The following FAR2 variants were observed in gnomAD, a reference collection of about 807,000 sequenced individuals.
The protein encoded by FAR2 is fatty acyl-CoA reductase 2.
FAR2 carries 19 observed loss-of-function variants against 56.0 expected under a neutral mutation model. The ratio of observed to expected loss-of-function variants is 0.34; its 90% CI spans 0.24 to 0.50. The LOEUF is 0.50. FAR2 is among the 20% of genes least tolerant of loss of function. The pLI, the probability that FAR2 is intolerant of heterozygous loss-of-function variation, is 0.98. For synonymous variants in FAR2, 219 were observed against 218.8 expected (o/e 1.00, Z -0.01); for missense variants, 508 against 642.2 (o/e 0.79, Z 2.26).
chr12:29,218,271 A>G (rs1482942712), intron 1 of FAR2, among the ~76,000 whole-genome samples: 1 of 151,948 alleles, frequency 6.6e-6, no homozygotes, highest in Non-Finnish European at 1.5e-5. Flanking sequence ...AGGCAGAAGA[A>G]TGGCGTGAAC....
At chr12:29,215,145 A>C (rs1947607740) in intron 1 of FAR2, among the ~76,000 whole-genome samples, 2 of 152,228 alleles carry the variant, frequency 1.3e-5, no homozygotes, top group South Asian at 4.1e-4. Context: ...ATGGATATGT[A>C]ATGAGAGACA....
At chr12:29,225,756 A>G (rs1052938965) in intron 1 of FAR2, among the ~76,000 whole-genome samples, 1 of 152,220 alleles carries the variant, frequency 6.6e-6, no homozygotes, top group Non-Finnish European at 1.5e-5. Context: ...GAGCTGCCAC[A>G]GCTTTGTTTA....
chr12:29,293,620 A>G (rs1949009314), intron 3 of FAR2, 145 bp downstream of exon 3: 2 of 628,822 alleles, frequency 3.2e-6, no homozygotes, highest in Non-Finnish European at 4.8e-6. Context: ...ACCATCTAGA[A>G]ACAACCATTT....
chr12:29,257,907 A>G (rs78847860), intron 1 of FAR2, among the ~76,000 whole-genome samples: 268 of 152,336 alleles, frequency 1.8e-3, no homozygotes, highest in African/African-American at 6.3e-3. Flanking sequence ...CAGACGTGAG[A>G]CATCACACCC....
intron 1 of FAR2, among the ~76,000 whole-genome samples, chr12:29,182,783 T>C (rs570977594): frequency 2.0e-5 from 3 of 152,170 alleles, no homozygotes; most frequent in Non-Finnish European, 4.4e-5. Context: ...AGGGTTTTAC[T>C]GGGAGAGGGC....
intron 2 of FAR2, among the ~76,000 whole-genome samples, chr12:29,274,241 T>C (rs1479238219): frequency 7.5e-6 from 1 of 133,734 alleles, no homozygotes; most frequent in Non-Finnish European, 1.5e-5. Flanking sequence ...CCCCTTCCTG[T>C]GTCCATGTGT....
At chr12:29,319,049 G>A (rs1163626176) in intron 9 of FAR2, among the ~76,000 whole-genome samples, 1 of 150,658 alleles carries the variant, frequency 6.6e-6, no homozygotes, top group Non-Finnish European at 1.5e-5. Flanking sequence ...AGAGTGCAGT[G>A]GCGAGATCTC....
Position 29,264,616 on chromosome 12 carries a change from AAAATAAAT to A in FAR2, c.-38-5760_-38-5753del, listed in dbSNP as rs148784734. Among the ~76,000 whole-genome samples, 962 of 130,130 alleles carry A rather than the reference AAAATAAAT, an allele frequency of 7.4e-3. 3 individuals are homozygous for A. Among genetic ancestry groups the A allele is most frequent in the Middle Eastern group, 0.011 (3 of 262 alleles). 85.4% of individuals were successfully genotyped at this position (130,130 alleles called of 152,430 possible). A position where few individuals can be genotyped will look rare whatever the true frequency, so the allele number is the denominator to read the frequency against. ...GGGCAACATAGTGGGATCCTGTCTC[AAAATAAAT>A]AAATAAATAAATAAATAAATAAATA... On this transcript the variant is annotated intron_variant, in intron 1 of 11. Coordinates refer to ENST00000536681, the MANE Select transcript of FAR2 (RefSeq NM_001271783.2).
intron 2 of FAR2, among the ~76,000 whole-genome samples, chr12:29,284,751 A>G (rs1405029449): frequency 6.6e-6 from 1 of 152,222 alleles, no homozygotes; most frequent in East Asian, 1.9e-4. Context: ...AAACAAAAAC[A>G]AAACAAAAAA....
chr12:29,239,389 G>T (rs1232915014), intron 1 of FAR2, among the ~76,000 whole-genome samples: 1 of 151,690 alleles, frequency 6.6e-6, no homozygotes, highest in African/African-American at 2.4e-5. Flanking sequence ...CTGTTTTTTT[G>T]TATCTAGAAA....
intron 10 of FAR2, among the ~76,000 whole-genome samples, chr12:29,327,009 A>G (rs1262052661): frequency 3.3e-5 from 5 of 152,052 alleles, no homozygotes; most frequent in Admixed American, 6.6e-5. Context: ...AAACCCCATC[A>G]TCTCAGCCCA....
intron 1 of FAR2, among the ~76,000 whole-genome samples, chr12:29,231,212 C>T (rs759975083): frequency 2.0e-5 from 3 of 152,114 alleles, no homozygotes; most frequent in Admixed American, 6.5e-5. Flanking sequence ...ATACAACAGT[C>T]CAGACAAGAC....
chr12:29,324,733 A>C (rs1949615322), intron 10 of FAR2, among the ~76,000 whole-genome samples: 1 of 152,212 alleles, frequency 6.6e-6, no homozygotes, highest in South Asian at 2.1e-4. Context: ...CTGCCCTAAA[A>C]GAGCTCCTGA....
intron 1 of FAR2, among the ~76,000 whole-genome samples, chr12:29,201,620 A>G (rs1236166004): frequency 6.6e-6 from 1 of 152,212 alleles, no homozygotes; most frequent in Admixed American, 6.5e-5. Context: ...AGATGAATTC[A>G]CCATAATGTG....
At chr12:29,193,619 G>T (rs1251966792) in intron 1 of FAR2, among the ~76,000 whole-genome samples, 3 of 152,148 alleles carry the variant, frequency 2.0e-5, no homozygotes, top group Non-Finnish European at 2.9e-5. Context: ...ATTGTCTAAA[G>T]ATACTACAGT....
intron 9 of FAR2, among the ~76,000 whole-genome samples, chr12:29,318,291 T>A (rs1949489695): frequency 6.6e-6 from 1 of 152,108 alleles, no homozygotes; most frequent in South Asian, 2.1e-4. Context: ...GGAAACATTG[T>A]GATTATGGGG....
Position 29,198,953 on chromosome 12 carries a change from G to T in FAR2, c.-39+49546G>T, listed in dbSNP as rs78841870. On this transcript the variant is annotated intron_variant, in intron 1 of 11. Transcript: ENST00000536681. ...CTGTGTGCCAGGTGCTAGGCAAGTG[G>T]CAGAGATACAAAGATAAAAATCATA... Among the ~76,000 whole-genome samples the T allele has an allele frequency of 3.1e-3, 478 of 152,224 alleles. 1 individual carries two copies. The highest frequency in any genetic ancestry group is 0.011 in the African/African-American group (454 of 41,532).
intron 1 of FAR2, among the ~76,000 whole-genome samples, chr12:29,210,310 T>C (rs1947529809): frequency 1.3e-5 from 2 of 152,194 alleles, no homozygotes; most frequent in South Asian, 4.1e-4. Context: ...GTGTTTACTC[T>C]AAGATACTCT....
chr12:29,254,665 C>A (rs967346922), intron 1 of FAR2, among the ~76,000 whole-genome samples: 1 of 152,144 alleles, frequency 6.6e-6, no homozygotes, highest in African/African-American at 2.4e-5. Context: ...TAAAAGTTTA[C>A]TCCAGGCTGG....
Sources: gnomAD v4.1 joint callset for allele counts (sites outside exome capture counted in the v4.1 genomes callset) on GRCh38, gnomAD v4.1.1 for gene constraint, MANE v1.5 for transcripts, NCBI Gene and HGNC (gene_info 2026-07-23, HGNC 2026-07-21) for gene names.